The following WDPCP variants were observed in gnomAD, a reference collection of about 807,000 sequenced individuals.
WDPCP encodes WD repeat containing planar cell polarity effector, also known as WD repeat-containing and planar cell polarity effector protein fritz homolog.
In WDPCP, 71 loss-of-function variants were observed where a neutral mutation model predicts 93.1. The ratio of observed to expected loss-of-function variants is 0.76; its 90% CI spans 0.63 to 0.93. The LOEUF is 0.93. Ranked by LOEUF, WDPCP falls within the 40% of genes least tolerant of loss-of-function variation. The pLI, the probability that WDPCP is intolerant of heterozygous loss-of-function variation, is 0.00. For missense variants in WDPCP, 844 were observed against 887.4 expected (o/e 0.95, Z 0.62); for synonymous variants, 315 against 315.0 (o/e 1.00, Z 0.00).
intron 4 of WDPCP, 106 bp from the exon 5 acceptor site, chr2:63,485,093 A>AGAG: frequency 8.5e-7 from 1 of 1,169,594 alleles, no homozygotes; most frequent in South Asian, 1.3e-5. Context: ...TCTATAATCG[A>AGAG]GAGGAAGTGG....
intron 2 of WDPCP, among the ~76,000 whole-genome samples, chr2:63,678,437 T>C (rs956997555): frequency 6.6e-6 from 1 of 152,220 alleles, no homozygotes; most frequent in Non-Finnish European, 1.5e-5. Context: ...ATTGATTGAT[T>C]TATCTTTCCA....
Position 63,433,869 on chromosome 2 carries a change from A to G in WDPCP, c.701T>C (p.Val234Ala). Residue 234 changes from valine (V) to alanine (A), a missense_variant, in exon 9 of 18, where the codon GTT (valine) becomes GCT (alanine). By Grantham distance (64) the Val-to-Ala change is moderately conservative. Coordinates refer to ENST00000272321, the MANE Select transcript of WDPCP (RefSeq NM_015910.7). Reference sequence around the variant, plus strand: ...CCACCAGCAAACAACTCTATCATGAACACAGTTGATAGCTAGATGTCGCTC... The same window carrying G: ...CCACCAGCAAACAACTCTATCATGAGCACAGTTGATAGCTAGATGTCGCTC... ...TTERHLAINC[V>A]HDRVVCWWPL... The G allele has an allele frequency of 6.2e-7, 1 of 1,614,060 alleles. No homozygotes were observed. Among genetic ancestry groups the G allele is most frequent in the Non-Finnish European group, 8.5e-7 (1 of 1,179,948 alleles).
At chr2:63,163,950 T>G (rs1672797918) in intron 15 of WDPCP, among the ~76,000 whole-genome samples, 1 of 152,216 alleles carries the variant, frequency 6.6e-6, no homozygotes, top group Non-Finnish European at 1.5e-5. Flanking sequence ...TTTAACAAGA[T>G]AGTATTTCAT....
chr2:63,595,897 C>A (rs1050796726), intron 3 of WDPCP, among the ~76,000 whole-genome samples: 7 of 152,154 alleles, frequency 4.6e-5, no homozygotes, highest in Non-Finnish European at 8.8e-5. Context: ...TAGTAGCATC[C>A]TGTAATGGAA....
chr2:63,260,515 T>C (rs1021529553), intron 13 of WDPCP, among the ~76,000 whole-genome samples: 3 of 152,196 alleles, frequency 2.0e-5, no homozygotes, highest in Non-Finnish European at 4.4e-5. Context: ...AACAGGCATG[T>C]AACATTTACT....
At chr2:63,768,940 AG>A (rs1395058109) in intron 2 of WDPCP, among the ~76,000 whole-genome samples, 2 of 151,964 alleles carry the variant, frequency 1.3e-5, no homozygotes, top group Non-Finnish European at 2.9e-5. Flanking sequence ...CCTAGAGATT[AG>A]TGGGATTCAT....
intron 1 of WDPCP, among the ~76,000 whole-genome samples, chr2:63,816,430 G>C (rs1351116716): frequency 1.3e-5 from 2 of 152,138 alleles, no homozygotes; most frequent in Non-Finnish European, 2.9e-5. Flanking sequence ...AGGATCTTGA[G>C]ATGAGATCAA....
chr2:63,394,788 T>C (rs1428909479), intron 10 of WDPCP, among the ~76,000 whole-genome samples: 5 of 151,896 alleles, frequency 3.3e-5, no homozygotes. Flanking sequence ...AACACAGGAA[T>C]AGAAAACCAA....
intron 3 of WDPCP, chr2:63,597,342 G>C: frequency 7.6e-7 from 1 of 1,317,058 alleles, no homozygotes; most frequent in Non-Finnish European, 9.8e-7. Flanking sequence ...ATATGAAAAA[G>C]AAAACTTCAA....
At chr2:63,640,240 C>T (rs1216958375) in intron 3 of WDPCP, among the ~76,000 whole-genome samples, 1 of 152,010 alleles carries the variant, frequency 6.6e-6, no homozygotes, top group African/African-American at 2.4e-5. Context: ...GATCTCCTGA[C>T]CTTGTGATCC....
intron 3 of WDPCP, chr2:63,597,579 C>T (rs959981317): frequency 1.5e-6 from 2 of 1,378,176 alleles, no homozygotes; most frequent in Non-Finnish European, 1.9e-6. Flanking sequence ...GTTAAGGTGA[C>T]CAATGCTGTA....
intron 14 of WDPCP, among the ~76,000 whole-genome samples, chr2:63,193,110 C>T (rs538936915): frequency 2.0e-5 from 3 of 152,282 alleles, no homozygotes; most frequent in Admixed American, 6.5e-5. Context: ...GATATTTACA[C>T]AGCAATTATA....
chr2:63,330,294 A>C (rs1338111430), intron 12 of WDPCP, among the ~76,000 whole-genome samples: 1 of 152,148 alleles, frequency 6.6e-6, no homozygotes, highest in African/African-American at 2.4e-5. Context: ...GTAAGGTGTT[A>C]TCTCTTTGTG....
Position 63,599,407 on chromosome 2 carries a change from A to G in WDPCP, n.488+51252T>C, listed in dbSNP as rs527959761. The G allele has an allele frequency of 9.9e-5, 101 of 1,017,258 alleles. No individual in the cohort carries two copies. In the Admixed American group the frequency reaches 1.7e-3, roughly 17 times the overall value. 63.0% of individuals were successfully genotyped at this position (1,017,258 alleles called of 1,614,324 possible). On this transcript the variant is annotated intron_variant and non_coding_transcript_variant, in intron 3 of 4. Coordinates refer to the WDPCP transcript ENST00000467687. Reference sequence around the variant, plus strand: ...TTTTTCTTGTTTTTGTTTAGTAGGAACCTATTACTTTTATTAAATTAAAAG... The same window carrying G: ...TTTTTCTTGTTTTTGTTTAGTAGGAGCCTATTACTTTTATTAAATTAAAAG...
intron 14 of WDPCP, among the ~76,000 whole-genome samples, chr2:63,215,260 A>T (rs928443461): frequency 1.3e-5 from 2 of 152,130 alleles, no homozygotes; most frequent in African/African-American, 4.8e-5. Context: ...AGAGATATAG[A>T]CCAATGGATC....
chr2:63,239,281 T>G (rs536997232), intron 14 of WDPCP, among the ~76,000 whole-genome samples: 1 of 152,306 alleles, frequency 6.6e-6, no homozygotes, highest in Non-Finnish European at 1.5e-5. Flanking sequence ...TGGCGTGATC[T>G]CTGCTCACTG....
intron 13 of WDPCP, among the ~76,000 whole-genome samples, chr2:63,260,592 C>T (rs1681541124): frequency 6.6e-6 from 1 of 152,140 alleles, no homozygotes; most frequent in South Asian, 2.1e-4. Context: ...ACTCTGTTGC[C>T]AGGCTGGAGT....
At chr2:63,218,387 T>C (rs565243690) in intron 14 of WDPCP, among the ~76,000 whole-genome samples, 2 of 152,304 alleles carry the variant, frequency 1.3e-5, no homozygotes, top group East Asian at 3.9e-4. Flanking sequence ...TCATGCCTTA[T>C]TTCAGTTCAG....
chr2:63,270,870 C>G (rs1298431569), intron 13 of WDPCP, among the ~76,000 whole-genome samples: 2 of 152,140 alleles, frequency 1.3e-5, no homozygotes, highest in East Asian at 3.9e-4. Context: ...AGGTAGTTTG[C>G]GCTGCATCCC....
Sources: allele counts gnomAD v4.1 joint callset (sites outside exome capture counted in the v4.1 genomes callset), GRCh38; gene constraint gnomAD v4.1.1; transcripts MANE v1.5; gene names NCBI Gene and HGNC (gene_info 2026-07-23, HGNC 2026-07-21).